PIK3C2A: variants seen among roughly 807,000 people sequenced by gnomAD.
The protein encoded by PIK3C2A is phosphatidylinositol-4-phosphate 3-kinase catalytic subunit type 2 alpha.
A neutral mutation model predicts 204.5 loss-of-function variants in PIK3C2A; 97 were observed. The ratio of observed to expected loss-of-function variants is 0.47; its 90% CI spans 0.40 to 0.56. The LOEUF (loss-of-function observed/expected upper bound fraction) is 0.56, where lower values mean the gene tolerates loss of function less well. Among genes scored for constraint, PIK3C2A ranks in the 20% least tolerant of loss-of-function variants. The pLI is 0.00. For missense variants in PIK3C2A, 1,735 were observed against 1,969.2 expected (o/e 0.88, Z 2.25); for synonymous variants, 653 against 664.4 (o/e 0.98, Z 0.26).
At position 17,155,509 on chromosome 11, in the gene PIK3C2A, A is replaced by G. The variant is rs1408913851; in HGVS notation, c.1169+17T>C. 2 of 1,401,452 alleles carry G rather than the reference A, an allele frequency of 1.4e-6. No homozygotes were observed. The highest frequency in any genetic ancestry group is 2.3e-5 in the East Asian group (1 of 43,576). 86.8% of individuals were successfully genotyped at this position (1,401,452 alleles called of 1,614,324 possible). ...GTGAATTTTTCAAATGAACATTTAT[A>G]AAGAAAAATTCCTTACTTTGTAATG... is the stretch of plus-strand genomic sequence containing the variant. On this transcript the variant is annotated intron_variant, in intron 3 of 32. Coordinates refer to ENST00000691414, the MANE Select transcript of PIK3C2A (RefSeq NM_002645.4).
At chr11:17,192,791 T>C (rs1283460419) in intron 1 of PIK3C2A, among the ~76,000 whole-genome samples, 1 of 152,252 alleles carries the variant, frequency 6.6e-6, no homozygotes, top group Non-Finnish European at 1.5e-5. Flanking sequence ...CAACCTTTTA[T>C]AGCAAATACA....
At position 17,131,992 on chromosome 11, in the gene PIK3C2A, C is replaced by A; in HGVS notation, c.2155G>T (p.Asp719Tyr). 6.4e-7 allele frequency: 1 copy of A among 1,570,724 alleles called. No homozygotes were observed. The highest frequency in any genetic ancestry group is 8.7e-7 in the Non-Finnish European group (1 of 1,146,312). ...TTTGATTGAATAGGTTTAAAAAGAT[C>A]CTTTCCATTGTGAGACAGTGAACAT... The part of the protein sequence containing the change: ...LICSLSHNGK[D>Y]LFKPIQSKKV... Residue 719 changes from aspartate (D) to tyrosine (Y), a missense_variant, in exon 12 of 33, where the codon GAT (aspartate) becomes TAT (tyrosine). Physicochemically the swap from Asp to Tyr is radical, Grantham distance 160. Around this residue, in one of 6 missense-constraint regions of PIK3C2A, gnomAD observed 567 missense variants for 576.0 expected, o/e 0.98. Coordinates refer to ENST00000691414, the MANE Select transcript of PIK3C2A (RefSeq NM_002645.4).
At chr11:17,114,970 T>C (rs995495853) in intron 19 of PIK3C2A, among the ~76,000 whole-genome samples, 8 of 152,220 alleles carry the variant, frequency 5.3e-5, no homozygotes, top group Non-Finnish European at 8.8e-5. Context: ...CCAAAGTTCA[T>C]TGCAGTATTG....
chr11:17,180,500 AAACAACAAC>A (rs202239069), intron 1 of PIK3C2A, among the ~76,000 whole-genome samples: 1 of 150,180 alleles, frequency 6.7e-6, no homozygotes, highest in Non-Finnish European at 1.5e-5. Context: ...CTAGAAAACA[AAACAACAAC>A]AACAACAACA....
intron 2 of PIK3C2A, among the ~76,000 whole-genome samples, chr11:17,159,290 A>G (rs1185941311): frequency 6.6e-6 from 1 of 152,218 alleles, no homozygotes; most frequent in Non-Finnish European, 1.5e-5. Flanking sequence ...TGCAATCCTC[A>G]CACTGTATAA....
rs561155128 is a variant in PIK3C2A at position 17,124,733 on chromosome 11, C to G, written c.2400-1920G>C. The stretch of plus-strand genomic sequence containing the variant: ...GACAGAGTCTATATGGTCTGCAAAG[C>G]CTAAACTACTTTTATCTGGCACCCT... On this transcript the variant is annotated intron_variant, in intron 13 of 32. Coordinates refer to ENST00000691414, the MANE Select transcript of PIK3C2A (RefSeq NM_002645.4). Among the ~76,000 whole-genome samples, 2 of 152,310 alleles carry G rather than the reference C, an allele frequency of 1.3e-5. 1 individual carries two copies. The highest frequency in any genetic ancestry group is 4.1e-4 in the South Asian group (2 of 4,826).
At chr11:17,162,024 T>C (rs1173027673) in intron 2 of PIK3C2A, among the ~76,000 whole-genome samples, 1 of 152,068 alleles carries the variant, frequency 6.6e-6, no homozygotes, top group Non-Finnish European at 1.5e-5. Flanking sequence ...CAAGAAGGCT[T>C]AGAACTTTTT....
At chr11:17,173,629 A>G (rs1004424811) in intron 1 of PIK3C2A, among the ~76,000 whole-genome samples, 4 of 152,234 alleles carry the variant, frequency 2.6e-5, no homozygotes, top group African/African-American at 7.2e-5. Context: ...AGTTTCTGCC[A>G]TAACAAAAAA....
Position 17,119,266 on chromosome 11 carries a change from G to A in PIK3C2A, c.2894C>T (p.Ala965Val). The change falls in exon 17 of 33, where the codon GCC (alanine) becomes GTC (valine). Residue 965 changes from alanine (A) to valine (V), a missense_variant. Transcript: ENST00000691414. ...ATCTGTTAGCTCATCATCACTAATG[G>A]CCTCAATCCAGGTCACAGCTAGGGA... ...VRSLAVTWIE[A>V]ISDDELTDLL... 6.2e-7 allele frequency: 1 copy of A among 1,608,918 alleles called. No homozygotes were observed. Among genetic ancestry groups the A allele is most frequent in the Non-Finnish European group, 8.5e-7 (1 of 1,176,232 alleles).
At chr11:17,136,359 T>C (rs1849871637) in intron 9 of PIK3C2A, 123 bp downstream of exon 9, 1 of 729,192 alleles carries the variant, frequency 1.4e-6, no homozygotes, top group Non-Finnish European at 2.3e-6. Context: ...ACCAAGTAAG[T>C]GATTCAACCC....
chr11:17,133,401 A>T (rs1323476742), intron 11 of PIK3C2A, among the ~76,000 whole-genome samples: 1 of 152,114 alleles, frequency 6.6e-6, no homozygotes, highest in African/African-American at 2.4e-5. Context: ...GTACTACTGA[A>T]TCCCCGGTAC....
rs1184458120 is a variant in PIK3C2A, at chr11:17,119,302, T to C, written c.2858A>G (p.Gln953Arg). Reference sequence around the variant, plus strand: ...GGTCACAGCTAGGGATCTTACTTCCTGATCAGCAAATCTAGAAGATTACCA... The same window carrying C: ...GGTCACAGCTAGGGATCTTACTTCCCGATCAGCAAATCTAGAAGATTACCA... ...LELLDSKFAD[Q>R]EVRSLAVTWI... The change falls in exon 17 of 33, where the codon CAG (glutamine) becomes CGG (arginine). Residue 953 changes from glutamine to arginine, a missense_variant. Physicochemically the swap from Gln to Arg is conservative, Grantham distance 43. Transcript: ENST00000691414. The C allele has an allele frequency of 6.3e-7, 1 of 1,590,934 alleles. No homozygotes were observed. The highest frequency in any genetic ancestry group is 8.6e-7 in the Non-Finnish European group (1 of 1,159,912).
At chr11:17,148,818 T>C (rs1226624589) in intron 4 of PIK3C2A, 31 bp from the exon 5 acceptor site, 2 of 1,578,254 alleles carry the variant, frequency 1.3e-6, no homozygotes, top group Non-Finnish European at 1.7e-6. Flanking sequence ...ATTTTCACTT[T>C]GCTCATTTAT....
chr11:17,135,244 T>C (rs541202647), intron 9 of PIK3C2A, 85 bp from the exon 10 acceptor site: 3 of 1,366,718 alleles, frequency 2.2e-6, no homozygotes, highest in Non-Finnish European at 3.1e-6. Context: ...AAGAAACTCT[T>C]TCCAGGGGAA....
chr11:17,115,101 C>T (rs1849135128), intron 19 of PIK3C2A, among the ~76,000 whole-genome samples: 2 of 151,962 alleles, frequency 1.3e-5, no homozygotes, highest in African/African-American at 4.8e-5. Context: ...TGCCTTTTTG[C>T]AGCAATGGAT....
chr11:17,152,621 T>A (rs1004636852), intron 3 of PIK3C2A, among the ~76,000 whole-genome samples: 3 of 152,172 alleles, frequency 2.0e-5, no homozygotes, highest in African/African-American at 7.2e-5. Context: ...AGTATTTAAC[T>A]CTAATTTTTT....
intron 1 of PIK3C2A, among the ~76,000 whole-genome samples, chr11:17,193,096 A>C (rs1243943530): frequency 1.3e-5 from 2 of 152,188 alleles, no homozygotes; most frequent in Non-Finnish European, 2.9e-5. Context: ...GGTCGCCTGC[A>C]CTCTGTTAGG....
chr11:17,091,789 C>G, intron 30 of PIK3C2A, 133 bp from the exon 31 acceptor site: 1 of 672,350 alleles, frequency 1.5e-6, no homozygotes, highest in Admixed American at 2.8e-5. Context: ...AGTAAACAAC[C>G]TGATAGGTCA....
rs865891271 is a variant in PIK3C2A, at chr11:17,125,887, G to A, written c.2400-3074C>T. On this transcript the variant is annotated intron_variant, in intron 13 of 32. Coordinates refer to ENST00000691414, the MANE Select transcript of PIK3C2A (RefSeq NM_002645.4). ...CACCTGTAATCCCAGCACTTGGGAG[G>A]CTAAGGCAGGTGGATCACTCGAGGC... Among the ~76,000 whole-genome samples the A allele has an allele frequency of 5.9e-5, 9 of 152,244 alleles. No homozygotes were observed. The South Asian group carries it at 1.2e-3, about 21-fold the overall frequency.
Sources: allele counts gnomAD v4.1 joint callset (sites outside exome capture counted in the v4.1 genomes callset), GRCh38; gene constraint gnomAD v4.1.1; regional missense constraint gnomAD v4.1.1; transcripts MANE v1.5; gene names NCBI Gene and HGNC (gene_info 2026-07-23, HGNC 2026-07-21).